SLC4A10: variants seen among roughly 807,000 people sequenced by gnomAD.
SLC4A10 encodes the protein sodium-driven chloride bicarbonate exchanger.
SLC4A10 carries 42 observed loss-of-function variants against 137.7 expected under a neutral mutation model. The observed-to-expected ratio is 0.30, with a 90% CI of 0.24 to 0.39. The LOEUF (loss-of-function observed/expected upper bound fraction) is 0.39, where lower values mean the gene tolerates loss of function less well. Among genes scored for constraint, SLC4A10 ranks in the 10% least tolerant of loss-of-function variants. The probability of loss-of-function intolerance (pLI) is 1.00; values close to 1 mark genes in which losing one functional copy is unlikely to be tolerated. For synonymous variants in SLC4A10, 474 were observed against 464.1 expected (o/e 1.02, Z -0.27); for missense variants, 925 against 1,355.0 (o/e 0.68, Z 4.98).
intron 6 of SLC4A10, among the ~76,000 whole-genome samples, chr2:161,867,234 T>C (rs548673529): frequency 1.4e-4 from 22 of 152,102 alleles, no homozygotes; most frequent in Non-Finnish European, 2.9e-4. Flanking sequence ...TTGTAGTTAC[T>C]TCTTTTACAA....
intron 1 of SLC4A10, among the ~76,000 whole-genome samples, chr2:161,744,107 G>T (rs2048180285): frequency 6.6e-6 from 1 of 151,912 alleles, no homozygotes; most frequent in African/African-American, 2.4e-5. Context: ...TTTCCAATTT[G>T]GATGGACTTT....
chr2:161,926,386 GTTTTTTTT>G (rs1174458600), intron 15 of SLC4A10, among the ~76,000 whole-genome samples: 34 of 22,938 alleles, frequency 1.5e-3, no homozygotes, highest in African/African-American at 3.7e-3. Context: ...CCTTTTTTTG[GTTTTTTTT>G]TTTTTTTTTT....
chr2:161,789,567 G>C (rs1481539209), intron 2 of SLC4A10, among the ~76,000 whole-genome samples: 1 of 151,944 alleles, frequency 6.6e-6, no homozygotes, highest in Non-Finnish European at 1.5e-5. Flanking sequence ...TAATTGCACT[G>C]TGATGTTACA....
chr2:161,635,700 G>A (rs1044593058), intron 1 of SLC4A10, among the ~76,000 whole-genome samples: 3 of 152,104 alleles, frequency 2.0e-5, no homozygotes, highest in African/African-American at 7.2e-5. Flanking sequence ...TTTTGGCACT[G>A]TTTTAGTTGA....
At chr2:161,736,668 C>T (rs1382483881) in intron 1 of SLC4A10, among the ~76,000 whole-genome samples, 1 of 152,194 alleles carries the variant, frequency 6.6e-6, no homozygotes, top group East Asian at 1.9e-4. Context: ...CACCATGATT[C>T]AATTATCTCT....
chr2:161,955,935 T>A (rs1695579279), intron 19 of SLC4A10, among the ~76,000 whole-genome samples: 2 of 152,172 alleles, frequency 1.3e-5, no homozygotes, highest in Non-Finnish European at 2.9e-5. Flanking sequence ...GCGTATTTTA[T>A]TTTCAAAAAA....
chr2:161,784,509 G>A (rs998243072), intron 2 of SLC4A10, among the ~76,000 whole-genome samples: 4 of 151,806 alleles, frequency 2.6e-5, no homozygotes, highest in Admixed American at 2.0e-4. Context: ...TGAAAAGTAT[G>A]TTTTAAAAAT....
intron 1 of SLC4A10, among the ~76,000 whole-genome samples, chr2:161,658,705 C>T (rs1393209333): frequency 6.6e-6 from 1 of 151,352 alleles, no homozygotes; most frequent in Non-Finnish European, 1.5e-5. Flanking sequence ...GCAATTCTCC[C>T]TCGGCCTCCC....
intron 1 of SLC4A10, among the ~76,000 whole-genome samples, chr2:161,673,027 C>T (rs764791424): frequency 1.3e-5 from 2 of 152,186 alleles, no homozygotes; most frequent in Non-Finnish European, 2.9e-5. Flanking sequence ...CGTGCATATG[C>T]GAGTGCAGTA....
In SLC4A10 at chr2:161,741,892, G is replaced by T. The variant is rs141924123; in HGVS notation, c.49-29081G>T. ...TATTGCTGACTGGTCACCCTGTTGT[G>T]TTATCAAATACCAGGTCTTATTCAT... is the stretch of plus-strand genomic sequence containing the variant. On this transcript the variant is annotated intron_variant, in intron 1 of 26. Transcript: ENST00000446997. 3.4e-4 allele frequency among the ~76,000 whole-genome samples: 51 copies of T among 152,228 alleles called. 1 individual carries two copies. Among genetic ancestry groups the T allele is most frequent in the African/African-American group, 1.2e-3 (48 of 41,548 alleles).
At chr2:161,652,307 G>A (rs79227269) in intron 1 of SLC4A10, among the ~76,000 whole-genome samples, 2,096 of 152,106 alleles carry the variant, frequency 0.014, 27 homozygotes, top group Non-Finnish European at 0.022. Flanking sequence ...TCTTTTACAC[G>A]TTGGGGTATG....
At chr2:161,637,254 G>A (rs1466699769) in intron 1 of SLC4A10, among the ~76,000 whole-genome samples, 4 of 151,550 alleles carry the variant, frequency 2.6e-5, no homozygotes, top group South Asian at 2.1e-4. Context: ...CTGGAGTGCA[G>A]TAGCATGATT....
intron 1 of SLC4A10, among the ~76,000 whole-genome samples, chr2:161,763,249 G>A (rs886248272): frequency 6.6e-6 from 1 of 151,856 alleles, no homozygotes; most frequent in Admixed American, 6.6e-5. Context: ...ACTCAAAGTC[G>A]TGTACGTAGG....
At chr2:161,689,563 T>C (rs1164660990) in intron 1 of SLC4A10, among the ~76,000 whole-genome samples, 10 of 152,198 alleles carry the variant, frequency 6.6e-5, no homozygotes, top group Admixed American at 6.5e-4. Flanking sequence ...CTCTATGATG[T>C]TTGCATCATG....
intron 1 of SLC4A10, among the ~76,000 whole-genome samples, chr2:161,752,554 A>G (rs895009432): frequency 6.6e-6 from 1 of 152,102 alleles, no homozygotes; most frequent in African/African-American, 2.4e-5. Flanking sequence ...ATATAATTCT[A>G]TGCTCATTGC....
intron 3 of SLC4A10, among the ~76,000 whole-genome samples, chr2:161,808,520 C>T (rs1048062818): frequency 6.6e-6 from 1 of 151,986 alleles, no homozygotes; most frequent in African/African-American, 2.4e-5. Context: ...GGTCCTATCA[C>T]CTAGGTAGTG....
At chr2:161,793,934 A>G (rs763177249) in intron 2 of SLC4A10, among the ~76,000 whole-genome samples, 1 of 152,192 alleles carries the variant, frequency 6.6e-6, no homozygotes. Context: ...CCATGATTGA[A>G]TTAGAAGATA....
intron 1 of SLC4A10, among the ~76,000 whole-genome samples, chr2:161,740,487 T>A (rs2047771963): frequency 6.6e-6 from 1 of 152,202 alleles, no homozygotes; most frequent in South Asian, 2.1e-4. Flanking sequence ...CAAGATTATT[T>A]TATGTACTTC....
intron 1 of SLC4A10, among the ~76,000 whole-genome samples, chr2:161,634,986 A>G (rs1437882192): frequency 1.3e-5 from 2 of 152,066 alleles, no homozygotes; most frequent in Admixed American, 1.3e-4. Flanking sequence ...ATTAAAAGAT[A>G]AAAATAAAAT....
Sources: allele counts gnomAD v4.1 joint callset (sites outside exome capture counted in the v4.1 genomes callset), GRCh38; gene constraint gnomAD v4.1.1; transcripts MANE v1.5; gene names NCBI Gene and HGNC (gene_info 2026-07-23, HGNC 2026-07-21).